The following DLGAP4 variants were observed in gnomAD, a reference collection of about 807,000 sequenced individuals.
DLGAP4 encodes the protein DLG associated protein 4.
A neutral mutation model predicts 86.9 loss-of-function variants in DLGAP4; 18 were observed. The observed-to-expected ratio is 0.21, with a 90% CI of 0.14 to 0.31. DLGAP4 has a LOEUF of 0.31. Among genes scored for constraint, DLGAP4 ranks in the 10% least tolerant of loss-of-function variants. The pLI, the probability that DLGAP4 is intolerant of heterozygous loss-of-function variation, is 1.00. For synonymous variants in DLGAP4, 548 were observed against 574.3 expected (o/e 0.95, Z 0.65); for missense variants, 1,085 against 1,362.6 (o/e 0.80, Z 3.21).
intron 8 of DLGAP4, 41 bp downstream of exon 8, chr20:36,497,107 G>A (rs542055788): frequency 3.7e-5 from 57 of 1,541,018 alleles, no homozygotes; most frequent in East Asian, 3.6e-4. Context: ...AGCCCACTCC[G>A]TGCACCTGCC....
intron 2 of DLGAP4, among the ~76,000 whole-genome samples, chr20:36,387,373 A>G (rs1378108872): frequency 6.6e-6 from 1 of 152,052 alleles, no homozygotes; most frequent in Non-Finnish European, 1.5e-5. Context: ...TCTTTTTCTT[A>G]TTAATTTGTA....
chr20:36,373,818 A>G (rs1040956994), intron 2 of DLGAP4, among the ~76,000 whole-genome samples: 1 of 152,166 alleles, frequency 6.6e-6, no homozygotes, highest in Admixed American at 6.5e-5. Context: ...AGATCACCTG[A>G]GGTCAGACAG....
At position 36,354,944 on chromosome 20, in the gene DLGAP4, G is replaced by GAAAAC. The variant is rs1175644540; in HGVS notation, c.-303-12089_-303-12085dup. ...GTGACAGAGTGAGACCCTGTCTACA[G>GAAAAC]AAAACAAAACAAAACAGATAAAAAC... On this transcript the variant is annotated intron_variant, in intron 1 of 12. Transcript: ENST00000339266. 2.6e-5 allele frequency among the ~76,000 whole-genome samples: 4 copies of GAAAAC among 152,164 alleles called. No homozygotes were observed. The South Asian group carries it at 6.2e-4, about 24-fold the overall frequency.
chr20:36,434,847 G>A (rs2033226941), intron 3 of DLGAP4, among the ~76,000 whole-genome samples: 1 of 152,164 alleles, frequency 6.6e-6, no homozygotes, highest in African/African-American at 2.4e-5. Flanking sequence ...CAGTGTGCAT[G>A]TGTATGCTAT....
intron 2 of DLGAP4, among the ~76,000 whole-genome samples, chr20:36,411,055 A>C (rs1300968164): frequency 6.6e-6 from 1 of 152,082 alleles, no homozygotes; most frequent in Non-Finnish European, 1.5e-5. Flanking sequence ...CAGTGGGATG[A>C]TCTCAGCTCA....
chr20:36,473,036 G>C (rs941517657), intron 7 of DLGAP4: 2 of 152,288 alleles, frequency 1.3e-5, no homozygotes, highest in African/African-American at 4.8e-5. Flanking sequence ...TGTGGTCCCA[G>C]CCGGGCTCCA....
At chr20:36,430,267 A>C (rs1458405659) in intron 2 of DLGAP4, among the ~76,000 whole-genome samples, 1 of 151,964 alleles carries the variant, frequency 6.6e-6, no homozygotes, top group Non-Finnish European at 1.5e-5. Flanking sequence ...CCTGTTATTG[A>C]CTCTGAGAGC....
At chr20:36,412,937 G>A (rs1318146450) in intron 2 of DLGAP4, among the ~76,000 whole-genome samples, 12 of 151,346 alleles carry the variant, frequency 7.9e-5, no homozygotes, top group Non-Finnish European at 1.6e-4. Context: ...TATATTCACA[G>A]TGTTGTACAG....
chr20:36,439,770 G>C lies in DLGAP4; in HGVS notation c.1258G>C (p.Asp420His). 6.2e-7 allele frequency: 1 copy of C among 1,613,054 alleles called. No homozygotes were observed. ...SNPRRSLDRLDSVDMLLPSKC... is the reference protein window; with the variant it reads ...SNPRRSLDRLHSVDMLLPSKC... ...CCCCACCAGGAGTCTGGACCGCCTG[G>C]ATTCAGTGGACATGCTGCTGCCCTC... The change falls in exon 5 of 13, where the codon GAT (aspartate) becomes CAT (histidine). Residue 420 changes from aspartate (D) to histidine (H), a missense_variant. This residue lies in a region of DLGAP4 where 1,082 missense variants were observed against 1,344.1 expected (regional missense o/e 0.81). Coordinates refer to ENST00000339266, the MANE Select transcript of DLGAP4 (RefSeq NM_001365621.2).
At chr20:36,318,325 G>A (rs1267766212) in intron 1 of DLGAP4, among the ~76,000 whole-genome samples, 1 of 152,140 alleles carries the variant, frequency 6.6e-6, no homozygotes, top group Non-Finnish European at 1.5e-5. Context: ...TGTCCTCACA[G>A]GAGCGGAGGC....
At chr20:36,320,585 A>C (rs575790473) in intron 1 of DLGAP4, among the ~76,000 whole-genome samples, 1 of 152,208 alleles carries the variant, frequency 6.6e-6, no homozygotes, top group Non-Finnish European at 1.5e-5. Context: ...AGATATATTT[A>C]GACGAAATGC....
At chr20:36,439,367 G>A (rs748657358) in intron 4 of DLGAP4, among the ~76,000 whole-genome samples, 5 of 152,188 alleles carry the variant, frequency 3.3e-5, no homozygotes, top group Non-Finnish European at 7.3e-5. Flanking sequence ...ATGAGGACTG[G>A]GGGATGCCCA....
Position 36,367,195 on chromosome 20 carries a change from G to C in DLGAP4, c.-153G>C, listed in dbSNP as rs1006842480. 1 of 152,724 alleles carries C rather than the reference G, an allele frequency of 6.5e-6. No individual in the cohort carries two copies. The highest frequency in any genetic ancestry group is 1.5e-5 in the Non-Finnish European group (1 of 68,130). The allele number at this position is 152,724 out of a possible 1,614,324, so 9.5% of individuals were successfully genotyped here. A position where few individuals can be genotyped will look rare whatever the true frequency, so the allele number is the denominator to read the frequency against. ...TAGAGGGATGTGTGTGCCAGCCCTC[G>C]GTCCAGTGCCCGCTCCTGAGCTGAC... On this transcript the variant is annotated 5_prime_UTR_variant, in exon 2 of 13. Transcript: ENST00000339266.
At chr20:36,379,808 G>A (rs770237724) in intron 2 of DLGAP4, among the ~76,000 whole-genome samples, 1 of 152,188 alleles carries the variant, frequency 6.6e-6, no homozygotes, top group South Asian at 2.1e-4. Context: ...TAATAATACC[G>A]AATCAGTTGA....
At chr20:36,503,479 CTTTTT>C (rs982287997) in intron 10 of DLGAP4, among the ~76,000 whole-genome samples, 1 of 109,904 alleles carries the variant, frequency 9.1e-6, no homozygotes, top group Non-Finnish European at 1.7e-5. Flanking sequence ...CATATATGGC[CTTTTT>C]TTTTTTTTTT....
At chr20:36,525,149 T>C (rs1253454175) in intron 11 of DLGAP4, among the ~76,000 whole-genome samples, 1 of 113,298 alleles carries the variant, frequency 8.8e-6, no homozygotes, top group Non-Finnish European at 1.7e-5. Flanking sequence ...ACCCGGGAGG[T>C]GGAACTTGCA....
intron 1 of DLGAP4, among the ~76,000 whole-genome samples, chr20:36,335,616 G>C (rs1304516582): frequency 6.6e-6 from 1 of 152,204 alleles, no homozygotes; most frequent in Non-Finnish European, 1.5e-5. Flanking sequence ...GGACACATCA[G>C]CTGCTCTTAT....
chr20:36,438,801 C>A lies in DLGAP4; in HGVS notation c.1242-953C>A, dbSNP rs542164279. 5.3e-5 allele frequency among the ~76,000 whole-genome samples: 8 copies of A among 150,660 alleles called. No individual in the cohort carries two copies. In the East Asian group the frequency reaches 1.6e-3, roughly 29 times the overall value. On this transcript the variant is annotated intron_variant, in intron 4 of 12. Coordinates refer to ENST00000339266, the MANE Select transcript of DLGAP4 (RefSeq NM_001365621.2). ...TTGGTTCACTGTAACCTCCACCTCCCGGGTTCAAGCAATTCTCCTGCCTCA... is the reference window on the plus strand; with the variant it reads ...TTGGTTCACTGTAACCTCCACCTCCAGGGTTCAAGCAATTCTCCTGCCTCA...
chr20:36,370,150 C>T (rs1039742140), intron 2 of DLGAP4, among the ~76,000 whole-genome samples: 8 of 152,068 alleles, frequency 5.3e-5, no homozygotes, highest in Non-Finnish European at 4.4e-5. Flanking sequence ...TCATAGGCAG[C>T]AGATGAGGAG....
Sources: allele counts gnomAD v4.1 joint callset (sites outside exome capture counted in the v4.1 genomes callset), GRCh38; gene constraint gnomAD v4.1.1; regional missense constraint gnomAD v4.1.1; transcripts MANE v1.5; gene names NCBI Gene and HGNC (gene_info 2026-07-23, HGNC 2026-07-21).